Variants in SH3BP1 observed in about 807,000 individuals in gnomAD.
SH3BP1 encodes the protein SH3 domain-binding protein 1.
A neutral mutation model predicts 69.8 loss-of-function variants in SH3BP1; 46 were observed. That is an observed-to-expected ratio of 0.66 (90% CI 0.52 to 0.84). The LOEUF (loss-of-function observed/expected upper bound fraction) is 0.84. SH3BP1 is among the 40% of genes least tolerant of loss of function. The pLI, the probability that SH3BP1 is intolerant of heterozygous loss-of-function variation, is 0.00. For missense variants in SH3BP1, 868 were observed against 930.9 expected (o/e 0.93, Z 0.88); for synonymous variants, 403 against 378.0 (o/e 1.07, Z -0.77).
chr22:37,655,411 C>A lies in SH3BP1; in HGVS notation c.1833C>A (p.Gly611=). Residue 611 remains glycine, a synonymous_variant, in exon 18 of 18, where the codon GGC becomes GGA. Transcript: ENST00000649765. ...AAGCCCTGCCCCGACGTCTGGTTGG[C>A]AGCAGCCTCCGAGCCCCCACAGTGC... ...TPQALPRRLV[G]SSLRAPTVPP... is the part of the protein sequence containing the mutation. The A allele has an allele frequency of 2.3e-6, 3 of 1,278,884 alleles. No individual in the cohort carries two copies. Among genetic ancestry groups the A allele is most frequent in the Non-Finnish European group, 2.0e-6 (2 of 978,208 alleles). The allele number at this position is 1,278,884 out of a possible 1,614,324, so 79.2% of individuals were successfully genotyped here. A position where few individuals can be genotyped will look rare whatever the true frequency, so the allele number is the denominator to read the frequency against.
chr22:37,647,637 T>G (rs1376502784), intron 13 of SH3BP1, 116 bp downstream of exon 13: 1 of 637,736 alleles, frequency 1.6e-6, no homozygotes, highest in Non-Finnish European at 2.4e-6. Context: ...GAAATATTAC[T>G]GAAAATGCAG....
chr22:37,645,263 AGTGGCAGGTG>A, intron 9 of SH3BP1, 92 bp from the exon 10 acceptor site: 1 of 1,373,268 alleles, frequency 7.3e-7, no homozygotes, highest in Non-Finnish European at 1.0e-6. Flanking sequence ...CTGGACAGTC[AGTGGCAGGTG>A]GTACCACCTT....
chr22:37,642,044 G>A (rs994843306), intron 3 of SH3BP1: 5 of 177,766 alleles, frequency 2.8e-5, no homozygotes, highest in Non-Finnish European at 6.1e-5. Context: ...CCCAGAGCAG[G>A]CATTCCCCGT....
rs1369599064 is a variant in SH3BP1, at chr22:37,643,804, G to T, written c.618+16G>T. The T allele has an allele frequency of 1.2e-6, 2 of 1,611,492 alleles. No individual in the cohort carries two copies. The highest frequency in any genetic ancestry group is 1.3e-5 in the African/African-American group (1 of 74,870). On this transcript the variant is annotated intron_variant, in intron 7 of 17. Coordinates refer to ENST00000649765, the MANE Select transcript of SH3BP1 (RefSeq NM_018957.6). ...GCAATGCAGGGTGAGGGCCATGGGG[G>T]TCCCCTGGATATGTAGGGGTGGCAG...
At chr22:37,641,098 T>TC (rs751968178) in intron 1 of SH3BP1, 28 bp from the exon 2 acceptor site, 25,090 of 944,856 alleles carry the variant, frequency 0.027, 366 homozygotes, top group African/African-American at 0.049. Flanking sequence ...AGAAGCACTC[T>TC]CCCCCCCCCC....
intron 3 of SH3BP1, 97 bp downstream of exon 3, chr22:37,641,575 G>A (rs1289612557): frequency 3.9e-6 from 4 of 1,037,696 alleles, no homozygotes; most frequent in Admixed American, 4.8e-5. Context: ...CAGTCTGAGT[G>A]TCTGGCACCA....
chr22:37,641,484 T>TGG lies in SH3BP1; in HGVS notation c.207+11_207+12dup, dbSNP rs546905483. 6.5e-7 allele frequency: 1 copy of TGG among 1,547,544 alleles called. No homozygotes were observed. The highest frequency in any genetic ancestry group is 1.2e-5 in the South Asian group (1 of 83,830). ...CAGACATGGACAAGCGGGTGGTGAGTGGGGGGTCCCGGGAAGGAGGGGCCT... is the reference window on the plus strand; with the variant it reads ...CAGACATGGACAAGCGGGTGGTGAGTGGGGGGGGTCCCGGGAAGGAGGGGCCT... On this transcript the variant is annotated splice_region_variant and intron_variant, in intron 3 of 17. Coordinates refer to ENST00000649765, the MANE Select transcript of SH3BP1 (RefSeq NM_018957.6).
Position 37,641,380 on chromosome 22 carries a change from C to G in SH3BP1, c.109C>G (p.Gln37Glu), listed in dbSNP as rs1932588143. The stretch of plus-strand genomic sequence containing the variant: ...CTCCATACCTCCTTCCCAGGTAGAA[C>G]AGCGGCTGGAGCCGGCCAAGCGGGC... ...FLGEDLLQVEQRLEPAKRAAH... is the reference protein window; with the variant it reads ...FLGEDLLQVEERLEPAKRAAH... The change falls in exon 3 of 18, where the codon CAG (glutamine) becomes GAG (glutamate). Residue 37 changes from glutamine (Q) to glutamate (E), a missense_variant. Coordinates refer to ENST00000649765, the MANE Select transcript of SH3BP1 (RefSeq NM_018957.6). 1.3e-6 allele frequency: 2 copies of G among 1,550,956 alleles called. No homozygotes were observed. The highest frequency in any genetic ancestry group is 2.4e-5 in the East Asian group (1 of 40,928).
In SH3BP1 at chr22:37,641,106, C is replaced by A. The variant is rs201693257; in HGVS notation, c.60-20C>A. ...GCTCAGCAGAAGCACTCTCCCCCCC[C>A]CCCCCACCACTCCCCGCAGCACCCC... On this transcript the variant is annotated intron_variant, in intron 1 of 17. Transcript: ENST00000649765. 624 of 1,330,584 alleles carry A rather than the reference C, an allele frequency of 4.7e-4. 19 individuals are homozygous for A. The highest frequency in any genetic ancestry group is 6.6e-4 in the South Asian group (48 of 73,240). The allele number at this position is 1,330,584 out of a possible 1,614,324, so 82.4% of individuals were successfully genotyped here.
chr22:37,646,878 T>C lies in SH3BP1; in HGVS notation c.985T>C (p.Ser329Pro). ...GAAGCGTCTCAAGCAGACAATGGCC[T>C]CGGACCCCCACAGCCTGGAGGAGTT... ...VLKRLKQTMASDPHSLEEFCS... is the reference protein window; with the variant it reads ...VLKRLKQTMAPDPHSLEEFCS... Residue 329 changes from serine (S) to proline (P), a missense_variant, in exon 11 of 18, where the codon TCG becomes CCG. Around this residue, in one of 3 missense-constraint regions of SH3BP1, gnomAD observed 387 missense variants for 447.9 expected, o/e 0.86. Transcript: ENST00000649765. 6.4e-7 allele frequency: 1 copy of C among 1,565,114 alleles called. No homozygotes were observed. Among genetic ancestry groups the C allele is most frequent in the Non-Finnish European group, 8.6e-7 (1 of 1,157,890 alleles).
chr22:37,651,231 G>A (rs1256249228), intron 16 of SH3BP1, among the ~76,000 whole-genome samples: 2 of 151,566 alleles, frequency 1.3e-5, no homozygotes, highest in East Asian at 3.9e-4. Context: ...ATGGGGTTTC[G>A]CCATGTTGGC....
chr22:37,650,839 T>C (rs1193174215), intron 16 of SH3BP1, 114 bp downstream of exon 16: 20 of 1,360,152 alleles, frequency 1.5e-5, no homozygotes, highest in Non-Finnish European at 1.9e-5. Context: ...ATTAGTGTTT[T>C]CATCCCAAAG....
At chr22:37,652,569 A>C (rs995550271) in intron 16 of SH3BP1, among the ~76,000 whole-genome samples, 1 of 152,040 alleles carries the variant, frequency 6.6e-6, no homozygotes, top group Non-Finnish European at 1.5e-5. Context: ...CACGCCTGTA[A>C]TCCCAGCACT....
chr22:37,646,834 C>T lies in SH3BP1; in HGVS notation c.941C>T (p.Ala314Val), dbSNP rs1293589697. 6.5e-7 allele frequency: 1 copy of T among 1,539,636 alleles called. No homozygotes were observed. Among genetic ancestry groups the T allele is most frequent in the Admixed American group, 2.0e-5 (1 of 49,642 alleles). Residue 314 changes from alanine (A) to valine (V), a missense_variant, in exon 11 of 18, where the codon GCT (alanine) becomes GTT (valine). Physicochemically the swap from Ala to Val is moderately conservative, Grantham distance 64 (BLOSUM62 0). This residue lies in a region of SH3BP1 where 387 missense variants were observed against 447.9 expected (regional missense o/e 0.86). Transcript: ENST00000649765. ...GMKEEGLFRLAAGASVLKRLK... is the reference protein window; with the variant it reads ...GMKEEGLFRLVAGASVLKRLK... ...CGAACCCAGGGTCTCTTCCGTCTGG[C>T]TGCTGGGGCCTCGGTGCTGAAGCGT...
chr22:37,641,255 G>A (rs1267724874), intron 2 of SH3BP1, 87 bp downstream of exon 2: 1 of 1,514,302 alleles, frequency 6.6e-7, no homozygotes, highest in Non-Finnish European at 9.0e-7. Flanking sequence ...CCAGGTAGGG[G>A]CCTGGGTTGA....
chr22:37,653,425 G>C (rs1932925780), intron 16 of SH3BP1, among the ~76,000 whole-genome samples: 1 of 152,056 alleles, frequency 6.6e-6, no homozygotes, highest in Non-Finnish European at 1.5e-5. Context: ...GACAGAGTGA[G>C]ACTCCATCTC....
In SH3BP1 at chr22:37,646,865, G is replaced by A. The variant is rs1932793921; in HGVS notation, c.972G>A (p.Lys324=). 4 of 1,566,048 alleles carry A rather than the reference G, an allele frequency of 2.6e-6. No homozygotes were observed. Among genetic ancestry groups the A allele is most frequent in the Non-Finnish European group, 3.5e-6 (4 of 1,158,416 alleles). Residue 324 remains lysine, a synonymous_variant, in exon 11 of 18, where the codon AAG becomes AAA. Transcript: ENST00000649765. ...GGGCCTCGGTGCTGAAGCGTCTCAAGCAGACAATGGCCTCGGACCCCCACA... is the reference window on the plus strand; with the variant it reads ...GGGCCTCGGTGCTGAAGCGTCTCAAACAGACAATGGCCTCGGACCCCCACA... The part of the protein sequence containing the change: ...AAGASVLKRL[K]QTMASDPHSL...
chr22:37,651,591 A>G (rs1359398902), intron 16 of SH3BP1, among the ~76,000 whole-genome samples: 1 of 151,980 alleles, frequency 6.6e-6, no homozygotes. Flanking sequence ...CAGTCCCCCA[A>G]AGTGCTGGGA....
intron 17 of SH3BP1, 71 bp from the exon 18 acceptor site, chr22:37,655,201 C>A: frequency 1.8e-6 from 2 of 1,130,528 alleles, no homozygotes; most frequent in Non-Finnish European, 2.5e-6. Flanking sequence ...TGTGAGGGGG[C>A]ACGGAGCTTG....
Sources: allele counts gnomAD v4.1 joint callset (sites outside exome capture counted in the v4.1 genomes callset), GRCh38; gene constraint gnomAD v4.1.1; regional missense constraint gnomAD v4.1.1; transcripts MANE v1.5; gene names NCBI Gene and HGNC (gene_info 2026-07-23, HGNC 2026-07-21).